Variants in HIF3A observed in about 807,000 individuals in gnomAD.
HIF3A encodes the protein hypoxia-inducible factor 3-alpha.
A neutral mutation model predicts 67.2 loss-of-function variants in HIF3A; 41 were observed. That is an observed-to-expected ratio of 0.61 (90% CI 0.48 to 0.79). The LOEUF is 0.79. Among genes scored for constraint, HIF3A ranks in the 30% least tolerant of loss-of-function variants. The probability of loss-of-function intolerance (pLI) is 0.00; values close to 1 mark genes in which losing one functional copy is unlikely to be tolerated. For missense variants in HIF3A, 855 were observed against 898.0 expected, an observed-to-expected ratio of 0.95 and a Z score of 0.61; for synonymous variants, 356 against 374.8, an observed-to-expected ratio of 0.95 and a Z score of 0.58.
chr19:46,303,809 G>A (rs1056553130), intron 1 of HIF3A, 89 bp from the exon 2 acceptor site: 7 of 1,516,550 alleles, frequency 4.6e-6, no homozygotes, highest in African/African-American at 4.1e-5. Flanking sequence ...CACGAGCCCC[G>A]GCCCCACGTG....
intron 11 of HIF3A, 39 bp from the exon 12 acceptor site, chr19:46,329,168 C>G: frequency 6.4e-7 from 1 of 1,552,032 alleles, no homozygotes; most frequent in Non-Finnish European, 8.7e-7. Flanking sequence ...CCACCCAAGT[C>G]CAAGGCTCAT....
intron 14 of HIF3A, among the ~76,000 whole-genome samples, chr19:46,337,711 C>T (rs1199646706): frequency 6.6e-6 from 1 of 152,216 alleles, no homozygotes; most frequent in African/African-American, 2.4e-5. Context: ...TATCCTGATC[C>T]TTCTGCCTGG....
Position 46,304,081 on chromosome 19 carries a change from C to T in HIF3A, c.210C>T (p.Cys70=), listed in dbSNP as rs1374737720. The change falls in exon 2 of 15, where the codon TGC becomes TGT. Residue 70 remains cysteine, a synonymous_variant. Coordinates refer to ENST00000377670, the MANE Select transcript of HIF3A (RefSeq NM_152795.4). ...TISYLRMHRL[C]AAGEWNQVGA... Reference sequence around the variant, plus strand: ...GCTACCTGCGCATGCACCGCCTCTGCGCCGCAGGTGAGCCCCGCCCGCGGG... The same window carrying T: ...GCTACCTGCGCATGCACCGCCTCTGTGCCGCAGGTGAGCCCCGCCCGCGGG... 2 of 1,565,468 alleles carry T rather than the reference C, an allele frequency of 1.3e-6. No homozygotes were observed. The highest frequency in any genetic ancestry group is 3.7e-5 in the Admixed American group (2 of 53,864).
At chr19:46,311,143 G>A (rs573986552) in intron 6 of HIF3A, among the ~76,000 whole-genome samples, 7 of 151,988 alleles carry the variant, frequency 4.6e-5, no homozygotes, top group Non-Finnish European at 8.8e-5. Flanking sequence ...TGTCATGCAT[G>A]CTGTCTCTTT....
At position 46,342,982 on chromosome 19, in the gene HIF3A, C is replaced by T. The variant is rs568367374; in HGVS notation, c.*3360C>T. 6.5e-6 allele frequency: 1 copy of T among 152,798 alleles called. No homozygotes were observed. Among genetic ancestry groups the T allele is most frequent in the East Asian group, 1.9e-4 (1 of 5,178 alleles). The allele number at this position is 152,798 out of a possible 1,614,324, so 9.5% of individuals were successfully genotyped here. A position where few individuals can be genotyped will look rare whatever the true frequency, so the allele number is the denominator to read the frequency against. ...ACATGTTTGGGGCACCTGGGGCTCC[C>T]TCACCCCTTGGGTGGTTTGCAATCT... On this transcript the variant is annotated 3_prime_UTR_variant, in exon 15 of 15. Transcript: ENST00000377670.
chr19:46,326,499 ACT>A (rs1970793374), intron 11 of HIF3A, among the ~76,000 whole-genome samples: 1 of 152,046 alleles, frequency 6.6e-6, no homozygotes, highest in Non-Finnish European at 1.5e-5. Context: ...ATCATTGGGA[ACT>A]TCCAATGATT....
At position 46,340,139 on chromosome 19, in the gene HIF3A, C is replaced by A. The variant is rs1004593922; in HGVS notation, c.*517C>A. 6.6e-6 allele frequency: 1 copy of A among 152,260 alleles called. No homozygotes were observed. The highest frequency in any genetic ancestry group is 1.5e-5 in the Non-Finnish European group (1 of 68,106). The allele number at this position is 152,260 out of a possible 1,614,324, so 9.4% of individuals were successfully genotyped here. ...GTCTGTAAGAATGTGGGACTCTGAT[C>A]TTCCCCCTCTTCAGGTGTCAGTGCG... On this transcript the variant is annotated 3_prime_UTR_variant, in exon 15 of 15. Transcript: ENST00000377670.
chr19:46,325,410 A>T lies in HIF3A; in HGVS notation c.1336-125A>T, dbSNP rs1462665036. 8 of 682,042 alleles carry T rather than the reference A, an allele frequency of 1.2e-5. No homozygotes were observed. In the African/African-American group the frequency reaches 1.4e-4, roughly 12 times the overall value. The allele number at this position is 682,042 out of a possible 1,614,324, so 42.2% of individuals were successfully genotyped here. A position where few individuals can be genotyped will look rare whatever the true frequency, so the allele number is the denominator to read the frequency against. ...AAAACTCATCTGCATTTGCCGTTGG[A>T]CCCCCTTTGTGCCCCAGATGCCTGG... On this transcript the variant is annotated intron_variant, in intron 10 of 14. Coordinates refer to ENST00000377670, the MANE Select transcript of HIF3A (RefSeq NM_152795.4).
In HIF3A at chr19:46,309,069, C is replaced by T. The variant is rs1969183739; in HGVS notation, c.562-82C>T. 3 of 1,165,568 alleles carry T rather than the reference C, an allele frequency of 2.6e-6. No individual in the cohort carries two copies. The Admixed American group carries it at 7.1e-5, about 28-fold the overall frequency. The allele number at this position is 1,165,568 out of a possible 1,614,324, so 72.2% of individuals were successfully genotyped here. On this transcript the variant is annotated intron_variant, in intron 5 of 14. Transcript: ENST00000377670. The stretch of plus-strand genomic sequence containing the variant: ...GTTGGAATCTCAGCTCCCTGATGGG[C>T]CCTCAGGACGCATCTTCCAACCCCA...
intron 8 of HIF3A, among the ~76,000 whole-genome samples, chr19:46,317,821 G>A (rs932727357): frequency 1.3e-5 from 2 of 151,860 alleles, no homozygotes; most frequent in Non-Finnish European, 2.9e-5. Flanking sequence ...TTTCTCTGTA[G>A]TACTTACCAC....
At chr19:46,329,980 A>C (rs962006245) in intron 12 of HIF3A, among the ~76,000 whole-genome samples, 1 of 121,244 alleles carries the variant, frequency 8.2e-6, no homozygotes, top group African/African-American at 3.2e-5. Flanking sequence ...AAAAAAAGAT[A>C]GAGAGAGAGA....
rs377599592 is a variant in HIF3A at position 46,313,385 on chromosome 19, G to T, written c.1025+732G>T. ...ACCTGTAAATCCCAGAACTTTGGGAGGCCAGGGGAGGAGGATTGCTAGAGC... is the reference window on the plus strand; with the variant it reads ...ACCTGTAAATCCCAGAACTTTGGGATGCCAGGGGAGGAGGATTGCTAGAGC... On this transcript the variant is annotated intron_variant, in intron 8 of 14. Coordinates refer to ENST00000377670, the MANE Select transcript of HIF3A (RefSeq NM_152795.4). 5.8e-5 allele frequency: 51 copies of T among 884,816 alleles called. No homozygotes were observed. The African/African-American group carries it at 8.7e-4, about 15-fold the overall frequency. The allele number at this position is 884,816 out of a possible 1,614,324, so 54.8% of individuals were successfully genotyped here. A position where few individuals can be genotyped will look rare whatever the true frequency, so the allele number is the denominator to read the frequency against.
At position 46,308,237 on chromosome 19, in the gene HIF3A, A is replaced by T. The variant is rs1237403658; in HGVS notation, c.380A>T (p.His127Leu). The T allele has an allele frequency of 1.2e-6, 2 of 1,613,884 alleles. No individual in the cohort carries two copies. The highest frequency in any genetic ancestry group is 1.3e-5 in the African/African-American group (1 of 75,016). ...LGLSQLELIG[H>L]SIFDFIHPCD... ...CCCTGGCAGCTGGAGCTCATTGGAC[A>T]CAGCATCTTTGATTTCATCCACCCC... The change falls in exon 4 of 15, where the codon CAC becomes CTC. Residue 127 changes from histidine (H) to leucine (L), a missense_variant. By Grantham distance (99) the His-to-Leu change is moderately conservative. Around this residue, in one of 3 missense-constraint regions of HIF3A, gnomAD observed 638 missense variants for 660.5 expected, o/e 0.97. Transcript: ENST00000377670.
chr19:46,309,319 C>A lies in HIF3A; in HGVS notation c.730C>A (p.Arg244Ser). Residue 244 changes from arginine to serine, a missense_variant, in exon 6 of 15, where the codon CGC becomes AGC. Coordinates refer to ENST00000377670, the MANE Select transcript of HIF3A (RefSeq NM_152795.4). ...ACTGGGCCGAGGGGCCTTCCTCAGC[C>A]GCCACAGCCTGGACATGAAGTTCAC... ...PPLGRGAFLS[R>S]HSLDMKFTYC... 6.2e-7 allele frequency: 1 copy of A among 1,612,932 alleles called. No individual in the cohort carries two copies. Among genetic ancestry groups the A allele is most frequent in the Non-Finnish European group, 8.5e-7 (1 of 1,179,598 alleles).
In HIF3A at chr19:46,313,664, A is replaced by ATTT. The variant is rs34143893; in HGVS notation, c.1025+1027_1025+1029dup. 3.9e-3 allele frequency among the ~76,000 whole-genome samples: 507 copies of ATTT among 130,548 alleles called. 18 individuals are homozygous for ATTT. The highest frequency in any genetic ancestry group is 0.018 in the East Asian group (82 of 4,512). The allele number at this position is 130,548 out of a possible 152,430, so 85.6% of individuals were successfully genotyped here. ...TAATAGTGGTTACACAATTACCACG[A>ATTT]TTTTTTTTTTTTTTTTTTGAGACAG... On this transcript the variant is annotated intron_variant, in intron 8 of 14. Transcript: ENST00000377670.
rs371476587 is a variant in HIF3A, at chr19:46,308,713, C to T, written c.499C>T (p.Arg167Cys). 10 of 1,611,310 alleles carry T rather than the reference C, an allele frequency of 6.2e-6. No homozygotes were observed. The highest frequency in any genetic ancestry group is 2.2e-5 in the South Asian group (2 of 90,626). Reference protein sequence around the residue: ...EAPTERCFSLRMKSTLTSRGR... With the variant: ...EAPTERCFSLCMKSTLTSRGR... ...CCCCACGGAGCGGTGCTTCTCCTTG[C>T]GCATGAAGAGTACACTCACCAGCCG... is the stretch of plus-strand genomic sequence containing the variant. The change falls in exon 5 of 15, where the codon CGC (arginine) becomes TGC (cysteine). Residue 167 changes from arginine (R) to cysteine (C), a missense_variant. Transcript: ENST00000377670.
rs1032859311 is a variant in HIF3A, at chr19:46,328,063, A to G, written c.1441-1144A>G. 8.5e-5 allele frequency among the ~76,000 whole-genome samples: 13 copies of G among 152,358 alleles called. 1 individual carries two copies. The East Asian group carries it at 1.2e-3, about 14-fold the overall frequency. On this transcript the variant is annotated intron_variant, in intron 11 of 14. Transcript: ENST00000377670. ...CCCATGTAATTGAATTCAGTCTCCA[A>G]TGCTACCTCTACCTTCCCTGGATCC...
chr19:46,320,462 G>A lies in HIF3A; in HGVS notation c.1045G>A (p.Val349Met). 1 of 1,614,124 alleles carries A rather than the reference G, an allele frequency of 6.2e-7. No individual in the cohort carries two copies. The highest frequency in any genetic ancestry group is 8.5e-7 in the Non-Finnish European group (1 of 1,179,980). Residue 349 changes from valine to methionine, a missense_variant, in exon 9 of 15, where the codon GTG becomes ATG. Val to Met is a conservative substitution (Grantham distance 21, BLOSUM62 1). This residue lies in a region of HIF3A where 638 missense variants were observed against 660.5 expected (regional missense o/e 0.97). Transcript: ENST00000377670. ...FLISQVEETG[V>M]VLSLEQTEQH... ...CCCCAGCCAGGTGGAAGAGACCGGA[G>A]TGGTGCTGTCCCTGGAGCAAACGGA...
chr19:46,337,874 G>T (rs1295434035), intron 14 of HIF3A, among the ~76,000 whole-genome samples: 2 of 152,180 alleles, frequency 1.3e-5, no homozygotes, highest in Non-Finnish European at 2.9e-5. Flanking sequence ...TTTGATGACT[G>T]TCTGTCTTCT....
Sources: gnomAD v4.1 joint callset for allele counts (sites outside exome capture counted in the v4.1 genomes callset) on GRCh38, gnomAD v4.1.1 for gene constraint, gnomAD v4.1.1 regional missense constraint, MANE v1.5 for transcripts, NCBI Gene and HGNC (gene_info 2026-07-23, HGNC 2026-07-21) for gene names.